Variants in ADGRV1 observed in about 807,000 individuals in gnomAD.
ADGRV1 encodes adhesion G protein-coupled receptor V1.
ADGRV1 carries 359 observed loss-of-function variants against 596.2 expected under a neutral mutation model. The ratio of observed to expected loss-of-function variants is 0.60; its 90% CI spans 0.55 to 0.66. ADGRV1 has a LOEUF of 0.66. ADGRV1 is among the 30% of genes least tolerant of loss of function. The pLI is 0.00. For synonymous variants in ADGRV1, 2,681 were observed against 2,679.2 expected (o/e 1.00, Z -0.02); for missense variants, 7,274 against 7,575.6 (o/e 0.96, Z 1.48).
chr5:91,058,189 C>T (rs1418750994), intron 85 of ADGRV1, among the ~76,000 whole-genome samples: 4 of 152,158 alleles, frequency 2.6e-5, no homozygotes, highest in African/African-American at 9.7e-5. Context: ...CCTCAGAAGT[C>T]CTTGCACTTG....
chr5:90,873,943 A>G (rs1768961933), intron 83 of ADGRV1, among the ~76,000 whole-genome samples: 1 of 152,054 alleles, frequency 6.6e-6, no homozygotes, highest in Non-Finnish European at 1.5e-5. Flanking sequence ...TTCTTCTTTT[A>G]TGGACTCCAA....
At chr5:90,929,731 C>T (rs1195438935) in intron 83 of ADGRV1, 1 of 152,176 alleles carries the variant, frequency 6.6e-6, no homozygotes, top group African/African-American at 2.4e-5. Context: ...TTTTATGTTA[C>T]TATTAATGAT....
Position 90,683,674 on chromosome 5 carries a change from G to T in ADGRV1, c.5753G>T (p.Gly1918Val). Residue 1918 changes from glycine to valine, a missense_variant, in exon 28 of 90, where the codon GGC becomes GTC. Physicochemically the swap from Gly to Val is moderately radical, Grantham distance 109. Transcript: ENST00000405460. ...GATGGTGATCTCGCCTTCACCTCTG[G>T]CAACATCACATTTGAGATTGGGCAG... is the stretch of plus-strand genomic sequence containing the variant. ...DPDGDLAFTS[G>V]NITFEIGQTS... 6.2e-7 allele frequency: 1 copy of T among 1,613,648 alleles called. No individual in the cohort carries two copies. The highest frequency in any genetic ancestry group is 1.1e-5 in the South Asian group (1 of 91,048).
intron 87 of ADGRV1, among the ~76,000 whole-genome samples, 199 bp from the exon 88 acceptor site, chr5:91,149,831 C>A (rs1437376753): frequency 1.7e-3 from 147 of 85,846 alleles, no homozygotes; most frequent in African/African-American, 1.9e-3. Context: ...AACTCCAGCT[C>A]AAAAAAAAAA....
intron 83 of ADGRV1, among the ~76,000 whole-genome samples, chr5:90,895,760 C>T (rs1771252754): frequency 1.3e-5 from 2 of 152,094 alleles, no homozygotes; most frequent in Admixed American, 1.3e-4. Context: ...ACTTGCTGTC[C>T]TCCAGTTTGG....
rs1794614947 is a variant in ADGRV1, at chr5:91,136,101, G to T, written c.18433-13929G>T. ...GGTGGCCTTGTTCAGTATGCCTGTA[G>T]TGGAGAATCTGAGGCAGGGAGTGGT... On this transcript the variant is annotated intron_variant, in intron 87 of 89. Transcript: ENST00000405460. Among the ~76,000 whole-genome samples the T allele has an allele frequency of 2.0e-5, 3 of 152,270 alleles. No homozygotes were observed. The South Asian group carries it at 6.2e-4, about 32-fold the overall frequency.
intron 83 of ADGRV1, among the ~76,000 whole-genome samples, chr5:90,922,211 A>G (rs1170746133): frequency 6.6e-6 from 1 of 152,148 alleles, no homozygotes; most frequent in African/African-American, 2.4e-5. Context: ...ACTATTCCAA[A>G]TAGTCTTTTG....
intron 84 of ADGRV1, among the ~76,000 whole-genome samples, chr5:90,979,815 G>T (rs1329533067): frequency 1.3e-5 from 2 of 152,174 alleles, no homozygotes; most frequent in African/African-American, 4.8e-5. Flanking sequence ...GAAGCCAAGT[G>T]AAATTGGCCA....
chr5:90,864,769 G>A (rs1767933104), intron 83 of ADGRV1, among the ~76,000 whole-genome samples: 1 of 152,124 alleles, frequency 6.6e-6, no homozygotes, highest in Admixed American at 6.5e-5. Context: ...CTCTTATGGA[G>A]ATAATTTTTA....
intron 85 of ADGRV1, among the ~76,000 whole-genome samples, chr5:91,042,678 G>A (rs1359840327): frequency 1.3e-5 from 2 of 152,132 alleles, no homozygotes; most frequent in East Asian, 3.9e-4. Flanking sequence ...TTGAGTTTCA[G>A]TATTAGAAAA....
chr5:90,748,292 A>G (rs1467130530), intron 52 of ADGRV1, among the ~76,000 whole-genome samples: 3 of 152,232 alleles, frequency 2.0e-5, no homozygotes, highest in Non-Finnish European at 4.4e-5. Context: ...CAATAGGGAT[A>G]TAATGTGTGC....
chr5:90,726,182 A>G (rs1417774292), intron 48 of ADGRV1, among the ~76,000 whole-genome samples: 1 of 152,208 alleles, frequency 6.6e-6, no homozygotes, highest in Non-Finnish European at 1.5e-5. Flanking sequence ...CCAAATTCAA[A>G]AACCCACTTG....
In ADGRV1 at chr5:90,668,757, CTG is replaced by C. The variant is rs547024767; in HGVS notation, c.4753-3787_4753-3786del. On this transcript the variant is annotated intron_variant, in intron 21 of 89. Coordinates refer to ENST00000405460, the MANE Select transcript of ADGRV1 (RefSeq NM_032119.4). ...TAAAGTGTTGATATATAGCGTGTAA[CTG>C]TACATTCTTTTATTAGATATGAATA... Among the ~76,000 whole-genome samples the C allele has an allele frequency of 1.0e-3, 156 of 152,214 alleles. 1 individual carries two copies. The highest frequency in any genetic ancestry group is 3.6e-3 in the African/African-American group (150 of 41,538).
chr5:90,570,420 A>G (rs768860256), intron 1 of ADGRV1, among the ~76,000 whole-genome samples: 42 of 151,778 alleles, frequency 2.8e-4, no homozygotes, highest in Non-Finnish European at 5.7e-4. Context: ...TGTTTATTTT[A>G]CTTAGAGTTT....
chr5:90,810,488 A>G lies in ADGRV1; in HGVS notation c.15228A>G (p.Ile5076Met). 4 of 1,613,932 alleles carry G rather than the reference A, an allele frequency of 2.5e-6. No homozygotes were observed. The highest frequency in any genetic ancestry group is 2.2e-5 in the East Asian group (1 of 44,892). Residue 5076 changes from isoleucine (I) to methionine (M), a missense_variant, in exon 74 of 90, where the codon ATA becomes ATG. Transcript: ENST00000405460. The part of the protein sequence containing the change: ...QKFQTEVDFE[I>M]TIINDQLSEI... ...TCCAAACTGAGGTTGATTTTGAAATAACCATTATTAATGATCAGCTTTCTG... is the reference window on the plus strand; with the variant it reads ...TCCAAACTGAGGTTGATTTTGAAATGACCATTATTAATGATCAGCTTTCTG...
At position 90,783,227 on chromosome 5, in the gene ADGRV1, C is replaced by T. The variant is rs573984372; in HGVS notation, c.13335C>T (p.Pro4445=). 1.4e-5 allele frequency: 23 copies of T among 1,613,532 alleles called. No homozygotes were observed. Among genetic ancestry groups the T allele is most frequent in the African/African-American group, 4.0e-5 (3 of 74,996 alleles). ...DFISQSSSAS[P]GGVDYILHGS... is the part of the protein sequence containing the mutation. ...TCTCTCAGAGCTCCTCTGCCAGTCC[C>T]GGAGGTGTTGATTACATTTTGCATG... The change falls in exon 66 of 90, where the codon CCC becomes CCT. Residue 4445 remains proline, a synonymous_variant. Transcript: ENST00000405460.
intron 27 of ADGRV1, among the ~76,000 whole-genome samples, chr5:90,682,743 A>G (rs1332099251): frequency 2.0e-5 from 3 of 152,220 alleles, no homozygotes; most frequent in African/African-American, 7.2e-5. Flanking sequence ...CTGTCTCTAA[A>G]TTTTATTTTG....
intron 52 of ADGRV1, among the ~76,000 whole-genome samples, chr5:90,747,738 A>G (rs1014290155): frequency 2.6e-5 from 4 of 152,200 alleles, no homozygotes; most frequent in Non-Finnish European, 4.4e-5. Context: ...CAATTATTAC[A>G]CAGTTTAGGC....
chr5:90,809,293 T>TACACACACACGCACACACACACAC (rs1554124351), intron 73 of ADGRV1, among the ~76,000 whole-genome samples: 2 of 134,538 alleles, frequency 1.5e-5, no homozygotes, highest in African/African-American at 5.7e-5. Flanking sequence ...CGGGCATAAA[T>TACACACACACGCACACACACACAC]ACACACACAC....
Sources: allele counts gnomAD v4.1 joint callset (sites outside exome capture counted in the v4.1 genomes callset), GRCh38; gene constraint gnomAD v4.1.1; transcripts MANE v1.5; gene names NCBI Gene and HGNC (gene_info 2026-07-23, HGNC 2026-07-21).